The following POFUT3 variants were observed in gnomAD, a reference collection of about 807,000 sequenced individuals.
POFUT3 encodes protein O-fucosyltransferase 3, also known as GDP-fucose protein O-fucosyltransferase 3.
chr8:33,415,307 T>G, the POFUT3 span, among the ~76,000 whole-genome samples: 1 of 151,906 alleles, frequency 6.6e-6, no homozygotes, highest in African/African-American at 2.4e-5. Context: ...CAAGGACAAA[T>G]AATTAGAGAA....
chr8:33,345,970 T>C, the POFUT3 span, among the ~76,000 whole-genome samples: 1 of 150,362 alleles, frequency 6.7e-6, no homozygotes, highest in African/African-American at 2.4e-5. Context: ...GGATTACAGG[T>C]GCCTGCCACC....
chr8:33,413,427 G>A, the POFUT3 span, among the ~76,000 whole-genome samples: 4 of 152,076 alleles, frequency 2.6e-5, no homozygotes, highest in African/African-American at 9.7e-5. Context: ...CAGCAAGAAG[G>A]TGGCTGTCTG....
the POFUT3 span, among the ~76,000 whole-genome samples, chr8:33,318,224 G>T: frequency 3.5e-4 from 53 of 151,612 alleles, no homozygotes; most frequent in African/African-American, 1.3e-3. Flanking sequence ...TTGTATTTTC[G>T]TCTGAAGTTT....
chr8:33,363,031 T>A, the POFUT3 span, among the ~76,000 whole-genome samples: 1 of 152,134 alleles, frequency 6.6e-6, no homozygotes, highest in Non-Finnish European at 1.5e-5. Context: ...GTAAAGCTCC[T>A]CAGCAAATGT....
At chr8:33,437,818 GA>G in the POFUT3 span, among the ~76,000 whole-genome samples, 16 of 145,732 alleles carry the variant, frequency 1.1e-4, 1 homozygote, top group African/African-American at 3.8e-4. Flanking sequence ...TCAAAAAAGA[GA>G]AAAAAAAAAG....
At chr8:33,382,138 C>A in the POFUT3 span, among the ~76,000 whole-genome samples, 1 of 152,036 alleles carries the variant, frequency 6.6e-6, no homozygotes, top group Admixed American at 6.6e-5. Context: ...ACAAAAATTA[C>A]AAAAATTTGC....
chr8:33,464,648 G>A, the POFUT3 span, among the ~76,000 whole-genome samples: 12 of 152,230 alleles, frequency 7.9e-5, no homozygotes, highest in African/African-American at 1.9e-4. Context: ...CAGGCATGGC[G>A]GTGAGTGTCT....
At chr8:33,355,434 G>A in the POFUT3 span, among the ~76,000 whole-genome samples, 1 of 152,052 alleles carries the variant, frequency 6.6e-6, no homozygotes, top group Non-Finnish European at 1.5e-5. Flanking sequence ...TTTAAATGCT[G>A]ATCTGTTCTG....
the POFUT3 span, among the ~76,000 whole-genome samples, chr8:33,365,447 G>A: frequency 3.9e-5 from 6 of 152,160 alleles, no homozygotes; most frequent in Non-Finnish European, 8.8e-5. Flanking sequence ...CATGGCAAAA[G>A]AAACTACCAT....
the POFUT3 span, among the ~76,000 whole-genome samples, chr8:33,440,029 T>C: frequency 6.6e-6 from 1 of 151,960 alleles, no homozygotes; most frequent in Non-Finnish European, 1.5e-5. Context: ...CTGCCTCAAA[T>C]GTTAGGTCCT....
chr8:33,331,801 G>T, the POFUT3 span, among the ~76,000 whole-genome samples: 6 of 151,700 alleles, frequency 4.0e-5, no homozygotes, highest in Non-Finnish European at 7.4e-5. Context: ...TCAGCCTCCC[G>T]AGTAGCTGGG....
the POFUT3 span, among the ~76,000 whole-genome samples, chr8:33,331,935 CA>C: frequency 5.5e-5 from 6 of 109,150 alleles, no homozygotes; most frequent in African/African-American, 1.8e-4. Context: ...CCTCGCCTCC[CA>C]AAGTGCTGGG....
the POFUT3 span, among the ~76,000 whole-genome samples, chr8:33,346,117 G>A: frequency 6.7e-6 from 1 of 148,778 alleles, no homozygotes; most frequent in African/African-American, 2.5e-5. Context: ...GAGCCACCGT[G>A]CCTGGCCCTA....
chr8:33,439,393 A>G, the POFUT3 span, among the ~76,000 whole-genome samples: 2 of 151,958 alleles, frequency 1.3e-5, no homozygotes, highest in Admixed American at 1.3e-4. Context: ...ACAGAGTAAG[A>G]CTTAGTCTCA....
At chr8:33,316,546 C>A in the POFUT3 span, among the ~76,000 whole-genome samples, 2 of 147,890 alleles carry the variant, frequency 1.4e-5, no homozygotes, top group African/African-American at 5.1e-5. Context: ...CATGGCAAAA[C>A]CCCATCTCTA....
the POFUT3 span, among the ~76,000 whole-genome samples, chr8:33,418,411 CTT>C: frequency 0.52 from 65,236 of 126,456 alleles, 16,088 homozygotes; most frequent in Admixed American, 0.59. Flanking sequence ...AAAGGGAACT[CTT>C]TTTTTTTTTT....
the POFUT3 span, among the ~76,000 whole-genome samples, chr8:33,408,796 GT>G: frequency 1.4e-4 from 21 of 152,114 alleles, no homozygotes; most frequent in Non-Finnish European, 2.4e-4. Flanking sequence ...GGGGTGGAGA[GT>G]TGGGGGTAAA....
chr8:33,321,023 A>G, the POFUT3 span, among the ~76,000 whole-genome samples: 273 of 152,134 alleles, frequency 1.8e-3, no homozygotes, highest in African/African-American at 6.3e-3. Context: ...TAAGACCTCC[A>G]CCTGCTACTA....
At chr8:33,375,015 A>T in the POFUT3 span, among the ~76,000 whole-genome samples, 4 of 151,272 alleles carry the variant, frequency 2.6e-5, no homozygotes, top group Non-Finnish European at 5.9e-5. Context: ...CAAGTAGCTG[A>T]GATTACAGGT....
Sources: allele counts gnomAD v4.1 joint callset (sites outside exome capture counted in the v4.1 genomes callset), GRCh38; gene constraint gnomAD v4.1.1; transcripts MANE v1.5; gene names NCBI Gene and HGNC (gene_info 2026-07-23, HGNC 2026-07-21).